UBAC1: variants seen among roughly 807,000 people sequenced by gnomAD.
The protein encoded by UBAC1 is UBA domain containing 1, also known as ubiquitin-associated domain-containing protein 1.
In UBAC1, 27 loss-of-function variants were observed where a neutral mutation model predicts 45.9. That is an observed-to-expected ratio of 0.59 (90% confidence interval 0.43 to 0.81). The LOEUF is 0.81. Ranked by LOEUF, UBAC1 falls within the 30% of genes least tolerant of loss-of-function variation. The pLI, the probability that UBAC1 is intolerant of heterozygous loss-of-function variation, is 0.00. For synonymous variants in UBAC1, 227 were observed against 215.5 expected (o/e 1.05, Z -0.47); for missense variants, 529 against 539.2 (o/e 0.98, Z 0.19).
chr9:135,933,299 T>C lies in UBAC1; in HGVS notation c.*101A>G. 1.1e-6 allele frequency: 1 copy of C among 891,384 alleles called. No individual in the cohort carries two copies. Among genetic ancestry groups the C allele is most frequent in the Non-Finnish European group, 1.9e-6 (1 of 538,728 alleles). The allele number at this position is 891,384 out of a possible 1,614,324, so 55.2% of individuals were successfully genotyped here. On this transcript the variant is annotated 3_prime_UTR_variant, in exon 10 of 10. Transcript: ENST00000371756. Reference sequence around the variant, plus strand: ...TGCAGCACCTCTAACAGTCCAGGGCTGAGGCGCTGAAGGTGAGTTTCCAGG... The same window carrying C: ...TGCAGCACCTCTAACAGTCCAGGGCCGAGGCGCTGAAGGTGAGTTTCCAGG...
intron 4 of UBAC1, 83 bp from the exon 5 acceptor site, chr9:135,946,454 C>A: frequency 1.1e-6 from 1 of 887,356 alleles, no homozygotes; most frequent in Non-Finnish European, 1.9e-6. Context: ...TGTCCTAGAA[C>A]TCTTGATTCT....
intron 6 of UBAC1, 30 bp downstream of exon 6, chr9:135,945,859 G>A (rs140179403): frequency 0.021 from 34,058 of 1,595,944 alleles, 472 homozygotes; most frequent in South Asian, 0.022. Flanking sequence ...AGGTGTCTCC[G>A]GCAAGGGAAG....
chr9:135,949,621 C>T (rs1481245272), intron 3 of UBAC1, among the ~76,000 whole-genome samples: 1 of 152,226 alleles, frequency 6.6e-6, no homozygotes, highest in Non-Finnish European at 1.5e-5. Flanking sequence ...TACGAGGCCT[C>T]CAGACAGTTT....
At position 135,938,324 on chromosome 9, in the gene UBAC1, C is replaced by G. The variant is rs1839224133; in HGVS notation, c.1000G>C (p.Glu334Gln). ...WLLGDRKPSP[E>Q]ELDKGIDPDS... ...GGGTCGATGCCCTTGTCCAGCTCCT[C>G]CGGAGAGGGCTTCCGGTCCCCCAGC... is the stretch of plus-strand genomic sequence containing the variant. Residue 334 changes from glutamate (E) to glutamine (Q), a missense_variant, in exon 9 of 10, where the codon GAG becomes CAG. Transcript: ENST00000371756. 6.2e-7 allele frequency: 1 copy of G among 1,613,924 alleles called. No individual in the cohort carries two copies. Among genetic ancestry groups the G allele is most frequent in the African/African-American group, 1.3e-5 (1 of 74,940 alleles).
In UBAC1 at chr9:135,960,640, C is replaced by T. The variant is rs562331979; in HGVS notation, c.138+385G>A. 3.6e-3 allele frequency among the ~76,000 whole-genome samples: 546 copies of T among 152,346 alleles called. 3 individuals carry two copies. The highest frequency in any genetic ancestry group is 0.013 in the African/African-American group (524 of 41,580). On this transcript the variant is annotated intron_variant, in intron 1 of 9. Coordinates refer to ENST00000371756, the MANE Select transcript of UBAC1 (RefSeq NM_016172.3). The stretch of plus-strand genomic sequence containing the variant: ...AAAAGGTACAACTGCCGGAAAGTCC[C>T]GAGGCCCTGCTCCGTCGGCGACTTC...
In UBAC1 at chr9:135,955,350, T is replaced by C; in HGVS notation, c.204A>G (p.Ser68=). 1.2e-6 allele frequency: 2 copies of C among 1,608,230 alleles called. No individual in the cohort carries two copies. Among genetic ancestry groups the C allele is most frequent in the Non-Finnish European group, 8.5e-7 (1 of 1,178,554 alleles). The change falls in exon 2 of 10, where the codon TCA becomes TCG. Residue 68 remains serine, a synonymous_variant. Coordinates refer to ENST00000371756, the MANE Select transcript of UBAC1 (RefSeq NM_016172.3). ...TCCTGGCATCACTCAGCACCCTCTC[T>C]GAGGCAGCGTGGATTAATTTATGAT... The part of the protein sequence containing the change: ...ITHHKLIHAA[S]ERVLSDARTI...
At position 135,955,304 on chromosome 9, in the gene UBAC1, G is replaced by C. The variant is rs757485364; in HGVS notation, c.250C>G (p.Gln84Glu). The change falls in exon 2 of 10, where the codon CAG (glutamine) becomes GAG (glutamate). Residue 84 changes from glutamine to glutamate, a missense_variant. By Grantham distance (29) the Gln-to-Glu change is conservative. Coordinates refer to ENST00000371756, the MANE Select transcript of UBAC1 (RefSeq NM_016172.3). ...DARTILEENI[Q>E]DQDVLLLIKK... Reference sequence around the variant, plus strand: ...CCCACAGCAGCCTTACCTTGGTCCTGGATGTTCTCTTCCAGGATGGTCCTG... The same window carrying C: ...CCCACAGCAGCCTTACCTTGGTCCTCGATGTTCTCTTCCAGGATGGTCCTG... The C allele has an allele frequency of 1.3e-6, 2 of 1,586,304 alleles. No homozygotes were observed. Among genetic ancestry groups the C allele is most frequent in the African/African-American group, 1.4e-5 (1 of 73,484 alleles).
At chr9:135,936,873 A>G (rs537639885) in intron 9 of UBAC1, among the ~76,000 whole-genome samples, 1 of 152,228 alleles carries the variant, frequency 6.6e-6, no homozygotes, top group South Asian at 2.1e-4. Flanking sequence ...GATTCTGCCC[A>G]TCAGTGTGAG....
At chr9:135,951,037 G>A (rs1839400886) in intron 3 of UBAC1, among the ~76,000 whole-genome samples, 3 of 152,170 alleles carry the variant, frequency 2.0e-5, no homozygotes, top group South Asian at 2.1e-4. Flanking sequence ...GGCAGAGGCT[G>A]CAGTGAGGTG....
At chr9:135,949,417 C>T (rs1259406569) in intron 3 of UBAC1, among the ~76,000 whole-genome samples, 1 of 152,156 alleles carries the variant, frequency 6.6e-6, no homozygotes, top group Non-Finnish European at 1.5e-5. Flanking sequence ...AGTCAATGTG[C>T]CGGACATAGC....
intron 2 of UBAC1, among the ~76,000 whole-genome samples, 186 bp downstream of exon 2, chr9:135,955,109 A>G (rs1839450664): frequency 6.6e-6 from 1 of 152,232 alleles, no homozygotes; most frequent in African/African-American, 2.4e-5. Flanking sequence ...GCTGTTTTTC[A>G]CAAATACTCT....
intron 3 of UBAC1, among the ~76,000 whole-genome samples, chr9:135,952,907 T>G (rs180730950): frequency 6.6e-6 from 1 of 152,350 alleles, no homozygotes; most frequent in East Asian, 1.9e-4. Flanking sequence ...CTGTGCGGTG[T>G]GAGGTGGGGC....
intron 1 of UBAC1, among the ~76,000 whole-genome samples, chr9:135,960,303 A>C (rs1839517435): frequency 6.6e-6 from 1 of 152,218 alleles, no homozygotes. Context: ...GGAACTAAAT[A>C]CACAGGAGTA....
intron 9 of UBAC1, among the ~76,000 whole-genome samples, chr9:135,936,445 A>T (rs1839203705): frequency 6.6e-6 from 1 of 152,122 alleles, no homozygotes; most frequent in Non-Finnish European, 1.5e-5. Context: ...TTTTGGAAAA[A>T]AAAATAAAAG....
At chr9:135,960,644 G>A (rs754515414) in intron 1 of UBAC1, among the ~76,000 whole-genome samples, 3 of 152,190 alleles carry the variant, frequency 2.0e-5, no homozygotes, top group Admixed American at 1.3e-4. Context: ...AAGTCCCGAG[G>A]CCCTGCTCCG....
At chr9:135,953,811 G>T in intron 2 of UBAC1, 58 bp from the exon 3 acceptor site, 1 of 1,507,526 alleles carries the variant, frequency 6.6e-7, no homozygotes, top group Non-Finnish European at 9.2e-7. Context: ...TCCACAAAAT[G>T]GCATAAAGGG....
chr9:135,948,681 G>A (rs902652490), intron 3 of UBAC1, among the ~76,000 whole-genome samples: 2 of 152,216 alleles, frequency 1.3e-5, no homozygotes, highest in Admixed American at 6.5e-5. Context: ...GGGGAGCGGG[G>A]CAGACACAGC....
intron 1 of UBAC1, among the ~76,000 whole-genome samples, chr9:135,960,312 T>C (rs1839517616): frequency 6.6e-6 from 1 of 151,746 alleles, no homozygotes; most frequent in Non-Finnish European, 1.5e-5. Flanking sequence ...TACACAGGAG[T>C]ATTTCAGGTG....
At chr9:135,957,768 CCTT>C (rs1162135093) in intron 1 of UBAC1, among the ~76,000 whole-genome samples, 12 of 133,802 alleles carry the variant, frequency 9.0e-5, no homozygotes, top group East Asian at 6.6e-4. Context: ...TTTATGAACT[CCTT>C]CTTTTTTTTT....
Sources: gnomAD v4.1 joint callset for allele counts (sites outside exome capture counted in the v4.1 genomes callset) on GRCh38, gnomAD v4.1.1 for gene constraint, MANE v1.5 for transcripts, NCBI Gene and HGNC (gene_info 2026-07-23, HGNC 2026-07-21) for gene names.